VPS11: variants seen among roughly 807,000 people sequenced by gnomAD.
VPS11 encodes the protein VPS11 core subunit of CORVET and HOPS complexes.
A neutral mutation model predicts 106.8 loss-of-function variants in VPS11; 51 were observed. That is an observed-to-expected ratio of 0.48 (90% CI 0.38 to 0.60). The LOEUF is 0.60. Ranked by LOEUF, VPS11 falls within the 20% of genes least tolerant of loss-of-function variation. The probability of loss-of-function intolerance (pLI) is 0.00; values close to 1 mark genes in which losing one functional copy is unlikely to be tolerated. For missense variants in VPS11, 950 were observed against 1,190.0 expected (o/e 0.80, Z 2.97); for synonymous variants, 453 against 458.7 (o/e 0.99, Z 0.16).
At position 119,081,444 on chromosome 11, in the gene VPS11, CCTCTT is replaced by C; in HGVS notation, c.2662-11_2662-7del. On this transcript the variant is annotated splice_polypyrimidine_tract_variant and intron_variant, in intron 15 of 15. Transcript: ENST00000621676. The stretch of plus-strand genomic sequence containing the variant: ...TGATTCTGATTCGTATTCCTTCCCT[CCTCTT>C]CTCCTGCAGCTCAAGTGCTCCAATG... 3 of 1,614,010 alleles carry C rather than the reference CCTCTT, an allele frequency of 1.9e-6. No homozygotes were observed. Among genetic ancestry groups the C allele is most frequent in the South Asian group, 2.2e-5 (2 of 91,082 alleles).
chr11:119,071,965 G>C, intron 5 of VPS11, 122 bp downstream of exon 5: 1 of 1,340,762 alleles, frequency 7.5e-7, no homozygotes, highest in Non-Finnish European at 1.0e-6. Context: ...TGTTATGTAG[G>C]TAACATTTCT....
At chr11:119,072,841 T>C (rs528054012) in intron 5 of VPS11, 4 of 207,676 alleles carry the variant, frequency 1.9e-5, no homozygotes, top group East Asian at 2.6e-4. Flanking sequence ...TGGGGTCTTC[T>C]GCATGATGAA....
Position 119,081,750 on chromosome 11 carries a change from C to A in VPS11, c.*127C>A. 7.8e-7 allele frequency: 1 copy of A among 1,283,428 alleles called. No individual in the cohort carries two copies. Among genetic ancestry groups the A allele is most frequent in the Non-Finnish European group, 1.1e-6 (1 of 948,540 alleles). 79.5% of individuals were successfully genotyped at this position (1,283,428 alleles called of 1,614,324 possible). A position where few individuals can be genotyped will look rare whatever the true frequency, so the allele number is the denominator to read the frequency against. ...CTCCACTCTCATCTAATGTCACAGC[C>A]CTCAGAACTAAAGCGGACTTTCTTT... On this transcript the variant is annotated 3_prime_UTR_variant, in exon 16 of 16. Transcript: ENST00000621676.
rs1945679257 is a variant in VPS11, at chr11:119,077,664, T to C, written c.1572+17T>C. 6.4e-7 allele frequency: 1 copy of C among 1,574,162 alleles called. No homozygotes were observed. The highest frequency in any genetic ancestry group is 1.2e-5 in the South Asian group (1 of 86,832). On this transcript the variant is annotated intron_variant, in intron 9 of 15. Coordinates refer to ENST00000621676, the MANE Select transcript of VPS11 (RefSeq NM_021729.6). ...GACATTAAGGTAGGTGAGACTGTCT[T>C]TTTTCCCCAAGAGACAGGGTCTCAC...
intron 5 of VPS11, 114 bp downstream of exon 5, chr11:119,071,957 T>G: frequency 7.2e-7 from 1 of 1,384,686 alleles, no homozygotes; most frequent in Non-Finnish European, 9.8e-7. Flanking sequence ...TACTCCGGTG[T>G]TATGTAGGTA....
Position 119,069,602 on chromosome 11 carries a change from T to C in VPS11, c.472+25T>C. ...GGTAAACAGAAGGCAAAACTAACCC[T>C]CCTAGATTTGTTATAGATTTTCTTC... On this transcript the variant is annotated intron_variant, in intron 3 of 15. Coordinates refer to ENST00000621676, the MANE Select transcript of VPS11 (RefSeq NM_021729.6). 2 of 1,613,804 alleles carry C rather than the reference T, an allele frequency of 1.2e-6. 1 individual carries two copies. Among genetic ancestry groups the C allele is most frequent in the South Asian group, 2.2e-5 (2 of 91,066 alleles).
chr11:119,077,706 G>T, intron 9 of VPS11, 59 bp downstream of exon 9: 1 of 1,545,236 alleles, frequency 6.5e-7, no homozygotes, highest in African/African-American at 1.4e-5. Flanking sequence ...GCCCAGGCTG[G>T]AGTTGAATTC....
At position 119,081,770 on chromosome 11, in the gene VPS11, T is replaced by G; in HGVS notation, c.*147T>G. 9.1e-7 allele frequency: 1 copy of G among 1,096,362 alleles called. No homozygotes were observed. The allele number at this position is 1,096,362 out of a possible 1,614,324, so 67.9% of individuals were successfully genotyped here. A position where few individuals can be genotyped will look rare whatever the true frequency, so the allele number is the denominator to read the frequency against. On this transcript the variant is annotated 3_prime_UTR_variant, in exon 16 of 16. Transcript: ENST00000621676. ...ACAGCCCTCAGAACTAAAGCGGACT[T>G]TCTTTCCCTGCCTTCTTATTTAGTC...
At position 119,069,345 on chromosome 11, in the gene VPS11, G is replaced by A; in HGVS notation, c.336+1G>A. ...AGATGAAGAGGGCATCAACCCCTTGGTGAGTCCCAGCAGGGAAATGGGAAA... is the reference window on the plus strand; with the variant it reads ...AGATGAAGAGGGCATCAACCCCTTGATGAGTCCCAGCAGGGAAATGGGAAA... On this transcript the variant is annotated splice_donor_variant, in intron 2 of 15. Transcript: ENST00000621676. LOFTEE classifies it high-confidence loss of function. 2 of 1,614,028 alleles carry A rather than the reference G, an allele frequency of 1.2e-6. No homozygotes were observed. Among genetic ancestry groups the A allele is most frequent in the Non-Finnish European group, 1.7e-6 (2 of 1,179,904 alleles).
At position 119,078,271 on chromosome 11, in the gene VPS11, G is replaced by A. The variant is rs782061826; in HGVS notation, c.1860G>A (p.Gln620=). 8.7e-6 allele frequency: 14 copies of A among 1,613,364 alleles called. 1 individual carries two copies. The East Asian group carries it at 2.9e-4, about 33-fold the overall frequency. Reference sequence around the variant, plus strand: ...GTGAAGTGCAGCCAGACTCACCCCAGGGGATCTACGACACACTCCTTGAGC... The same window carrying A: ...GTGAAGTGCAGCCAGACTCACCCCAAGGGATCTACGACACACTCCTTGAGC... ...HMSEVQPDSP[Q]GIYDTLLELR... Residue 620 remains glutamine, a synonymous_variant, in exon 11 of 16, where the codon CAG becomes CAA. Transcript: ENST00000621676.
In VPS11 at chr11:119,081,589, G is replaced by T; in HGVS notation, c.2792G>T (p.Arg931Leu). ...LTSSLEAGLQ[R>L]DLLMHSRRGT ...TCCAGCCTGGAGGCTGGGCTGCAAC[G>T]CGACCTACTCATGCACTCCAGGAGG... The change falls in exon 16 of 16, where the codon CGC becomes CTC. Residue 931 changes from arginine to leucine, a missense_variant. By Grantham distance (102) the Arg-to-Leu change is moderately radical. Transcript: ENST00000621676. 2 of 1,613,916 alleles carry T rather than the reference G, an allele frequency of 1.2e-6. No homozygotes were observed. Among genetic ancestry groups the T allele is most frequent in the South Asian group, 2.2e-5 (2 of 91,080 alleles).
chr11:119,081,354 T>C, intron 15 of VPS11, 40 bp downstream of exon 15: 1 of 1,612,298 alleles, frequency 6.2e-7, no homozygotes, highest in South Asian at 1.1e-5. Context: ...GGATTCCCAC[T>C]AGTGTCACAG....
In VPS11 at chr11:119,078,031, G is replaced by C. The variant is rs782163667; in HGVS notation, c.1726G>C (p.Glu576Gln). Residue 576 changes from glutamate to glutamine, a missense_variant, in exon 10 of 16, where the codon GAA becomes CAA. Glu to Gln is a conservative substitution (Grantham distance 29, BLOSUM62 2). Coordinates refer to ENST00000621676, the MANE Select transcript of VPS11 (RefSeq NM_021729.6). Reference protein sequence around the residue: ...GLCTDYRPSLEGRSDREAPGC... With the variant: ...GLCTDYRPSLQGRSDREAPGC... Reference sequence around the variant, plus strand: ...TTGTACTGATTATCGGCCCAGCCTCGAAGGCCGCAGCGATAGGGAGGCCCC... The same window carrying C: ...TTGTACTGATTATCGGCCCAGCCTCCAAGGCCGCAGCGATAGGGAGGCCCC... The C allele has an allele frequency of 6.2e-7, 1 of 1,612,476 alleles. No individual in the cohort carries two copies. Among genetic ancestry groups the C allele is most frequent in the Non-Finnish European group, 8.5e-7 (1 of 1,179,870 alleles).
chr11:119,078,863 G>T lies in VPS11; in HGVS notation c.2132G>T (p.Arg711Leu). 1 of 1,613,960 alleles carries T rather than the reference G, an allele frequency of 6.2e-7. No individual in the cohort carries two copies. The highest frequency in any genetic ancestry group is 8.5e-7 in the Non-Finnish European group (1 of 1,179,882). The change falls in exon 13 of 16, where the codon CGC (arginine) becomes CTC (leucine). Residue 711 changes from arginine (R) to leucine (L), a missense_variant. Physicochemically the swap from Arg to Leu is moderately radical, Grantham distance 102. Around this residue, in one of 3 missense-constraint regions of VPS11, gnomAD observed 453 missense variants for 514.6 expected, o/e 0.88. Coordinates refer to ENST00000621676, the MANE Select transcript of VPS11 (RefSeq NM_021729.6). Reference sequence around the variant, plus strand: ...CGGCAGGTCATCAGCGTGTGTGAGCGCCATGGGGAGCAGGACCCCTCCTTG... The same window carrying T: ...CGGCAGGTCATCAGCGTGTGTGAGCTCCATGGGGAGCAGGACCCCTCCTTG... The part of the protein sequence containing the change: ...QYRQVISVCE[R>L]HGEQDPSLWE...
At position 119,081,510 on chromosome 11, in the gene VPS11, G is replaced by A; in HGVS notation, c.2713G>A (p.Gly905Ser). The A allele has an allele frequency of 6.2e-7, 1 of 1,614,022 alleles. No homozygotes were observed. Among genetic ancestry groups the A allele is most frequent in the Non-Finnish European group, 8.5e-7 (1 of 1,179,900 alleles). Reference sequence around the variant, plus strand: ...TGTGATTGCTGACTACTTTGGCAGAGGTGTTTTCAACAAATTGACTCTGCT... The same window carrying A: ...TGTGATTGCTGACTACTTTGGCAGAAGTGTTTTCAACAAATTGACTCTGCT... ...FSVIADYFGR[G>S]VFNKLTLLTD... The change falls in exon 16 of 16, where the codon GGT becomes AGT. Residue 905 changes from glycine to serine, a missense_variant. Gly to Ser is a moderately conservative substitution (Grantham distance 56). Coordinates refer to ENST00000621676, the MANE Select transcript of VPS11 (RefSeq NM_021729.6).
At chr11:119,073,421 A>G in intron 6 of VPS11, 22 bp downstream of exon 6, 1 of 1,609,110 alleles carries the variant, frequency 6.2e-7, no homozygotes, top group Non-Finnish European at 8.5e-7. Context: ...AGGCTCGCAG[A>G]GCTGGCCACA....
chr11:119,080,750 G>A (rs979114856), intron 14 of VPS11, among the ~76,000 whole-genome samples: 1 of 152,218 alleles, frequency 6.6e-6, no homozygotes, highest in African/African-American at 2.4e-5. Flanking sequence ...TGGGAGAAGT[G>A]TGTTAACAAG....
chr11:119,068,781 C>G (rs919403965), intron 1 of VPS11, among the ~76,000 whole-genome samples: 2 of 146,708 alleles, frequency 1.4e-5, no homozygotes, highest in Admixed American at 1.4e-4. Flanking sequence ...GACGGACTTT[C>G]ACTCTTGTTG....
chr11:119,079,616 C>G (rs1481134484), intron 14 of VPS11, among the ~76,000 whole-genome samples: 1 of 152,168 alleles, frequency 6.6e-6, no homozygotes, highest in Non-Finnish European at 1.5e-5. Context: ...GATCTTGTCA[C>G]TGAGGCTGGA....
Sources: allele counts gnomAD v4.1 joint callset (sites outside exome capture counted in the v4.1 genomes callset), GRCh38; gene constraint gnomAD v4.1.1; regional missense constraint gnomAD v4.1.1; transcripts MANE v1.5; gene names NCBI Gene and HGNC (gene_info 2026-07-23, HGNC 2026-07-21).